Variants in USP54 observed in about 807,000 individuals in gnomAD.
USP54 encodes ubiquitin carboxyl-terminal hydrolase 54.
USP54 carries 87 observed loss-of-function variants against 170.5 expected under a neutral mutation model. The observed-to-expected ratio is 0.51, with a 90% CI of 0.43 to 0.61. The LOEUF (loss-of-function observed/expected upper bound fraction) is 0.61. USP54 is among the 20% of genes least tolerant of loss of function. The pLI, the probability that USP54 is intolerant of heterozygous loss-of-function variation, is 0.00. For missense variants in USP54, 1,786 were observed against 2,047.8 expected, an observed-to-expected ratio of 0.87 and a Z score of 2.47; for synonymous variants, 655 against 742.8, an observed-to-expected ratio of 0.88 and a Z score of 1.92.
intron 5 of USP54, among the ~76,000 whole-genome samples, chr10:73,543,462 G>A (rs1205587150): frequency 2.6e-5 from 4 of 152,062 alleles, no homozygotes; most frequent in Admixed American, 6.5e-5. Flanking sequence ...CACCTCCCGG[G>A]TTCACGCCAT....
At chr10:73,533,888 A>G (rs189651967) in intron 12 of USP54, among the ~76,000 whole-genome samples, 1 of 152,314 alleles carries the variant, frequency 6.6e-6, no homozygotes, top group East Asian at 1.9e-4. Context: ...AATCCCATAA[A>G]TAGGCCCCTT....
At chr10:73,603,211 G>A (rs190617005) in intron 1 of USP54, among the ~76,000 whole-genome samples, 57 of 152,162 alleles carry the variant, frequency 3.7e-4, no homozygotes, top group African/African-American at 1.0e-3. Flanking sequence ...GGGGAAACTC[G>A]GGAGCAAACC....
At chr10:73,532,423 C>G (rs1417052019) in intron 12 of USP54, among the ~76,000 whole-genome samples, 4 of 152,286 alleles carry the variant, frequency 2.6e-5, no homozygotes, top group Middle Eastern at 3.4e-3. Context: ...GATCCACCCA[C>G]CTCGGCCTCC....
chr10:73,548,431 G>A (rs1470565026), intron 4 of USP54, among the ~76,000 whole-genome samples: 2 of 152,086 alleles, frequency 1.3e-5, no homozygotes, highest in African/African-American at 4.8e-5. Context: ...ACATGCACAC[G>A]TATGTTTATT....
intron 4 of USP54, among the ~76,000 whole-genome samples, chr10:73,554,812 A>C (rs2070544736): frequency 6.6e-6 from 1 of 152,204 alleles, no homozygotes; most frequent in Admixed American, 6.5e-5. Context: ...AAAAAATAAT[A>C]ACTTTTTCTC....
At position 73,516,288 on chromosome 10, in the gene USP54, G is replaced by C. The variant is rs897577808; in HGVS notation, c.4051+87C>G. 16 of 1,397,108 alleles carry C rather than the reference G, an allele frequency of 1.1e-5. No homozygotes were observed. The African/African-American group carries it at 2.2e-4, about 19-fold the overall frequency. 86.5% of individuals were successfully genotyped at this position (1,397,108 alleles called of 1,614,324 possible). A position where few individuals can be genotyped will look rare whatever the true frequency, so the allele number is the denominator to read the frequency against. ...TCCTACTAAGCTGGGGATAGTATCT[G>C]TATAGAACACTCCCTTCTGATCTTT... On this transcript the variant is annotated intron_variant, in intron 20 of 23. Coordinates refer to ENST00000687698, the MANE Select transcript of USP54 (RefSeq NM_001391956.1).
chr10:73,567,647 G>C (rs187674831), intron 4 of USP54, among the ~76,000 whole-genome samples: 1 of 152,182 alleles, frequency 6.6e-6, no homozygotes, highest in Non-Finnish European at 1.5e-5. Context: ...ACTCCAGTCT[G>C]TGCAACAAGA....
intron 5 of USP54, among the ~76,000 whole-genome samples, chr10:73,543,907 T>C (rs994124618): frequency 2.6e-5 from 4 of 152,022 alleles, no homozygotes; most frequent in Non-Finnish European, 4.4e-5. Context: ...TCATTTTATT[T>C]CAAGAATGTT....
chr10:73,613,091 AG>A (rs1413094754), intron 1 of USP54, among the ~76,000 whole-genome samples: 79 of 149,970 alleles, frequency 5.3e-4, no homozygotes, highest in African/African-American at 1.9e-3. Context: ...CAGGAGGTCA[AG>A]GCTGTAGTGA....
intron 4 of USP54, among the ~76,000 whole-genome samples, chr10:73,566,612 T>G (rs2073884556): frequency 6.6e-6 from 1 of 151,604 alleles, no homozygotes; most frequent in Non-Finnish European, 1.5e-5. Flanking sequence ...GCACCTGTAA[T>G]CCCACCTACT....
At chr10:73,613,328 C>T (rs1487026151) in intron 1 of USP54, among the ~76,000 whole-genome samples, 1 of 151,272 alleles carries the variant, frequency 6.6e-6, no homozygotes, top group Non-Finnish European at 1.5e-5. Flanking sequence ...GATGGGGTTT[C>T]ACCATGTTGG....
At chr10:73,614,279 G>A (rs1042878159) in intron 1 of USP54, among the ~76,000 whole-genome samples, 1 of 149,864 alleles carries the variant, frequency 6.7e-6, no homozygotes, top group Non-Finnish European at 1.5e-5. Flanking sequence ...ACACATGCAG[G>A]CTAGGCGCAA....
chr10:73,584,752 T>C (rs2077289616), intron 1 of USP54, among the ~76,000 whole-genome samples: 1 of 152,208 alleles, frequency 6.6e-6, no homozygotes, highest in African/African-American at 2.4e-5. Context: ...TGAAAGGACT[T>C]GAGACCAGAG....
intron 1 of USP54, among the ~76,000 whole-genome samples, chr10:73,612,022 G>C (rs2080188616): frequency 1.3e-5 from 2 of 151,758 alleles, no homozygotes; most frequent in Non-Finnish European, 2.9e-5. Flanking sequence ...GAGGCAGGAG[G>C]ATCACCTGAG....
chr10:73,617,986 G>A lies in USP54; in HGVS notation c.-18+7581C>T, dbSNP rs529593791. Among the ~76,000 whole-genome samples, 8 of 150,478 alleles carry A rather than the reference G, an allele frequency of 5.3e-5. 2 individuals carry two copies. Among genetic ancestry groups the A allele is most frequent in the African/African-American group, 1.3e-4 (5 of 39,882 alleles). On this transcript the variant is annotated intron_variant, in intron 1 of 22. Transcript: ENST00000339859. Reference sequence around the variant, plus strand: ...AGCATTCTGGGAGTGCAAGGTTGACGGATCATCTGAGGTCAGGAGTTCGAG... The same window carrying A: ...AGCATTCTGGGAGTGCAAGGTTGACAGATCATCTGAGGTCAGGAGTTCGAG...
intron 3 of USP54, among the ~76,000 whole-genome samples, chr10:73,574,340 T>C (rs529430583): frequency 6.6e-6 from 1 of 152,306 alleles, no homozygotes; most frequent in Non-Finnish European, 1.5e-5. Context: ...GGAGATAAGT[T>C]GGACAAAGAC....
intron 1 of USP54, among the ~76,000 whole-genome samples, chr10:73,623,184 A>C (rs2081227457): frequency 6.6e-6 from 1 of 152,046 alleles, no homozygotes; most frequent in African/African-American, 2.4e-5. Context: ...ACATAGCCAG[A>C]CCAGCTTAGG....
rs1173345269 is a variant in USP54 at position 73,543,223 on chromosome 10, C to A, written c.376-92G>T. On this transcript the variant is annotated intron_variant, in intron 5 of 23. Transcript: ENST00000687698. ...CAGCTTACCCATAGAAACAGCAACC[C>A]TTCTGGAAGGTAGGAATATTTTGAT... 2.0e-5 allele frequency: 17 copies of A among 845,324 alleles called. No individual in the cohort carries two copies. The Admixed American group carries it at 2.3e-4, about 11-fold the overall frequency. The allele number at this position is 845,324 out of a possible 1,614,324, so 52.4% of individuals were successfully genotyped here. A position where few individuals can be genotyped will look rare whatever the true frequency, so the allele number is the denominator to read the frequency against.
chr10:73,607,868 T>G (rs915020033), intron 1 of USP54, among the ~76,000 whole-genome samples: 9 of 151,544 alleles, frequency 5.9e-5, no homozygotes, highest in Non-Finnish European at 8.8e-5. Context: ...AAGTAATCCT[T>G]CAGAGGAAGA....
Sources: gnomAD v4.1 joint callset for allele counts (sites outside exome capture counted in the v4.1 genomes callset) on GRCh38, gnomAD v4.1.1 for gene constraint, MANE v1.5 for transcripts, NCBI Gene and HGNC (gene_info 2026-07-23, HGNC 2026-07-21) for gene names.